The following PURB variants were observed in gnomAD, a reference collection of about 807,000 sequenced individuals.
PURB encodes the protein transcriptional regulator protein Pur-beta.
In PURB, 11 loss-of-function variants were observed where a neutral mutation model predicts 21.1. That is an observed-to-expected ratio of 0.52 (90% CI 0.33 to 0.86). The LOEUF (loss-of-function observed/expected upper bound fraction) is 0.86, where lower values mean the gene tolerates loss of function less well. Ranked by LOEUF, PURB falls within the 40% of genes least tolerant of loss-of-function variation. The pLI is 0.02. For missense variants in PURB, 357 were observed against 456.5 expected, an observed-to-expected ratio of 0.78 and a Z score of 1.99; for synonymous variants, 246 against 210.8, an observed-to-expected ratio of 1.17 and a Z score of -1.45.
rs143929020 is a variant in PURB at position 44,879,242 on chromosome 7, T to A, written c.*5168A>T. 2 of 152,172 alleles carry A rather than the reference T, an allele frequency of 1.3e-5. No homozygotes were observed. Among genetic ancestry groups the A allele is most frequent in the African/African-American group, 4.8e-5 (2 of 41,416 alleles). The allele number at this position is 152,172 out of a possible 1,614,324, so 9.4% of individuals were successfully genotyped here. On this transcript the variant is annotated 3_prime_UTR_variant, in exon 1 of 1. Transcript: ENST00000395699. ...TTTTAGTAGAGACGGGGTTTCACCA[T>A]GTTGTCCAGGCTGACCTGAACTGAC...
Position 44,877,504 on chromosome 7 carries a change from T to C in PURB, c.*6906A>G, listed in dbSNP as rs1248052111. On this transcript the variant is annotated 3_prime_UTR_variant, in exon 1 of 1. Transcript: ENST00000395699. ...ACTTTTTGGTCAACCTACTGACTTTTAGAAATTCAGAGAGTAGGCTAGGCG... is the reference window on the plus strand; with the variant it reads ...ACTTTTTGGTCAACCTACTGACTTTCAGAAATTCAGAGAGTAGGCTAGGCG... 1.3e-5 allele frequency: 2 copies of C among 152,236 alleles called. No individual in the cohort carries two copies. The highest frequency in any genetic ancestry group is 6.5e-5 in the Admixed American group (1 of 15,274). 9.4% of individuals were successfully genotyped at this position (152,236 alleles called of 1,614,324 possible).
rs1026742965 is a variant in PURB, at chr7:44,881,752, G to A, written c.*2658C>T. On this transcript the variant is annotated 3_prime_UTR_variant, in exon 1 of 1. Transcript: ENST00000395699. ...GGTAACCAAAGCTGATGCCATATAT[G>A]GTAGTGTTCTTGGCATATACTCTAT... is the stretch of plus-strand genomic sequence containing the variant. The A allele has an allele frequency of 1.3e-5, 2 of 154,492 alleles. No individual in the cohort carries two copies. The highest frequency in any genetic ancestry group is 2.9e-5 in the Non-Finnish European group (2 of 68,174). The allele number at this position is 154,492 out of a possible 1,614,324, so 9.6% of individuals were successfully genotyped here.
rs1793921801 is a variant in PURB at position 44,884,248 on chromosome 7, T to C, written c.*162A>G. The C allele has an allele frequency of 7.8e-6, 11 of 1,412,506 alleles. No homozygotes were observed. Among genetic ancestry groups the C allele is most frequent in the Middle Eastern group, 4.7e-4 (2 of 4,292 alleles). The allele number at this position is 1,412,506 out of a possible 1,614,324, so 87.5% of individuals were successfully genotyped here. A position where few individuals can be genotyped will look rare whatever the true frequency, so the allele number is the denominator to read the frequency against. On this transcript the variant is annotated 3_prime_UTR_variant, in exon 1 of 1. Coordinates refer to ENST00000395699, the MANE Select transcript of PURB (RefSeq NM_033224.5). ...GCTTTTCTCAAGTTGTCCGTCACTG[T>C]TCTCTTACGATTATTTCTCTTAACT...
rs1010958678 is a variant in PURB, at chr7:44,885,488, C to G, written c.-140G>C. 2.7e-5 allele frequency: 5 copies of G among 183,480 alleles called. No homozygotes were observed. The highest frequency in any genetic ancestry group is 1.3e-4 in the Admixed American group (2 of 15,216). The allele number at this position is 183,480 out of a possible 1,614,324, so 11.4% of individuals were successfully genotyped here. A position where few individuals can be genotyped will look rare whatever the true frequency, so the allele number is the denominator to read the frequency against. On this transcript the variant is annotated 5_prime_UTR_variant, in exon 1 of 1. Coordinates refer to ENST00000395699, the MANE Select transcript of PURB (RefSeq NM_033224.5). ...CTCATCGCCGGCCGCCGCCGCCCCC[C>G]CATCGCCTCCGCGCCCCGCCCCCGC...
Position 44,884,105 on chromosome 7 carries a change from A to T in PURB, c.*305T>A, listed in dbSNP as rs917898334. ...CAAGGATCTATTCCCTCCAGGGATT[A>T]TCCTGATGGGTTTACGAACCTCAGT... is the stretch of plus-strand genomic sequence containing the variant. On this transcript the variant is annotated 3_prime_UTR_variant, in exon 1 of 1. Transcript: ENST00000395699. 1 of 499,710 alleles carries T rather than the reference A, an allele frequency of 2.0e-6. No individual in the cohort carries two copies. Among genetic ancestry groups the T allele is most frequent in the East Asian group, 3.9e-5 (1 of 25,514 alleles). The allele number at this position is 499,710 out of a possible 1,614,324, so 31.0% of individuals were successfully genotyped here.
rs760732691 is a variant in PURB at position 44,880,430 on chromosome 7, TAC to T, written c.*3978_*3979del. The T allele has an allele frequency of 3.9e-5, 6 of 152,784 alleles. No homozygotes were observed. In the East Asian group the frequency reaches 9.6e-4, roughly 25 times the overall value. The allele number at this position is 152,784 out of a possible 1,614,324, so 9.5% of individuals were successfully genotyped here. ...GTGAAGAATACTTATGTGCATGGCTTACACACTCCAGCTTCTCAATTTCATCC... is the reference window on the plus strand; with the variant it reads ...GTGAAGAATACTTATGTGCATGGCTTACACTCCAGCTTCTCAATTTCATCC... On this transcript the variant is annotated 3_prime_UTR_variant, in exon 1 of 1. Transcript: ENST00000395699.
chr7:44,884,433 CCT>C lies in PURB; in HGVS notation c.914_915del (p.Glu305GlyfsTer2), dbSNP rs773077431. 2 of 1,613,540 alleles carry C rather than the reference CCT, an allele frequency of 1.2e-6. No individual in the cohort carries two copies. The highest frequency in any genetic ancestry group is 1.7e-6 in the Non-Finnish European group (2 of 1,180,008). On this transcript the variant is annotated frameshift_variant, in exon 1 of 1. Coordinates refer to ENST00000395699, the MANE Select transcript of PURB (RefSeq NM_033224.5). LOFTEE classifies it high-confidence loss of function. ...GGGSGGGEESEGEEVDED is the reference protein window; with the variant it reads ...GGGSGGGEESXGEEVDED The stretch of plus-strand genomic sequence containing the variant: ...TTTCAATCCTCATCCACCTCCTCAC[CCT>C]CTGACTCTTCGCCGCCGCCGCTGCC...
rs753415665 is a variant in PURB at position 44,884,402 on chromosome 7, T to C, written c.*8A>G. ...TTGGGTGGAGGCCTGTAGGGGAAGC[T>C]GCCCGTTTCAATCCTCATCCACCTC... On this transcript the variant is annotated 3_prime_UTR_variant, in exon 1 of 1. Transcript: ENST00000395699. 8 of 1,611,110 alleles carry C rather than the reference T, an allele frequency of 5.0e-6. 1 individual carries two copies. The South Asian group carries it at 8.8e-5, about 18-fold the overall frequency.
chr7:44,878,426 AATC>A lies in PURB; in HGVS notation c.*5981_*5983del, dbSNP rs1371104043. The A allele has an allele frequency of 6.6e-6, 1 of 152,242 alleles. No homozygotes were observed. The highest frequency in any genetic ancestry group is 1.5e-5 in the Non-Finnish European group (1 of 68,034). The allele number at this position is 152,242 out of a possible 1,614,324, so 9.4% of individuals were successfully genotyped here. On this transcript the variant is annotated 3_prime_UTR_variant, in exon 1 of 1. Coordinates refer to ENST00000395699, the MANE Select transcript of PURB (RefSeq NM_033224.5). Reference sequence around the variant, plus strand: ...TTATACTTTTTTATTAAACTGTTAGAATCATCTATGGAGAAAAATGAGTTTTAG... The same window carrying A: ...TTATACTTTTTTATTAAACTGTTAGAATCTATGGAGAAAAATGAGTTTTAG...
Position 44,884,324 on chromosome 7 carries a change from T to C in PURB, c.*86A>G. 1.9e-6 allele frequency: 3 copies of C among 1,545,526 alleles called. No homozygotes were observed. Among genetic ancestry groups the C allele is most frequent in the Non-Finnish European group, 2.6e-6 (3 of 1,152,198 alleles). ...GCGGCCTCCCTTGCTCCCTCTCCAC[T>C]AGCTCACTGGGGATGAGCAGGAAAG... On this transcript the variant is annotated 3_prime_UTR_variant, in exon 1 of 1. Coordinates refer to ENST00000395699, the MANE Select transcript of PURB (RefSeq NM_033224.5).
rs1248933821 is a variant in PURB, at chr7:44,878,460, A to G, written c.*5950T>C. 1 of 152,332 alleles carries G rather than the reference A, an allele frequency of 6.6e-6. No homozygotes were observed. Among genetic ancestry groups the G allele is most frequent in the Non-Finnish European group, 1.5e-5 (1 of 68,046 alleles). The allele number at this position is 152,332 out of a possible 1,614,324, so 9.4% of individuals were successfully genotyped here. A position where few individuals can be genotyped will look rare whatever the true frequency, so the allele number is the denominator to read the frequency against. On this transcript the variant is annotated 3_prime_UTR_variant, in exon 1 of 1. Transcript: ENST00000395699. ...TGGAGAAAAATGAGTTTTAGCTTCC[A>G]ATAAAGCTCTGCTCTTATTAGAAAT...
rs1793850847 is a variant in PURB, at chr7:44,879,757, C to T, written c.*4653G>A. The stretch of plus-strand genomic sequence containing the variant: ...AGCAAAGATTTCTACTCTTCTTACA[C>T]AGAGTTAGAACAATATTCATAAGCA... On this transcript the variant is annotated 3_prime_UTR_variant, in exon 1 of 1. Coordinates refer to ENST00000395699, the MANE Select transcript of PURB (RefSeq NM_033224.5). 1 of 152,590 alleles carries T rather than the reference C, an allele frequency of 6.6e-6. No individual in the cohort carries two copies. The highest frequency in any genetic ancestry group is 2.4e-5 in the African/African-American group (1 of 41,432). 9.5% of individuals were successfully genotyped at this position (152,590 alleles called of 1,614,324 possible).
rs1241803856 is a variant in PURB at position 44,884,716 on chromosome 7, TGGGCCCCCGGCGCCGCCTCCC to T, written c.612_632del (p.Ala208_Gly214del). On this transcript the variant is annotated inframe_deletion, in exon 1 of 1. Transcript: ENST00000395699. ...GGAGCTCTCCATACAGGCCGCCCCC[TGGGCCCCCGGCGCCGCCTCCC>T]GGGCCGCCTGCCAGCTCGTCGTCCT... is the stretch of plus-strand genomic sequence containing the variant. 6.2e-7 allele frequency: 1 copy of T among 1,612,906 alleles called. No individual in the cohort carries two copies. The highest frequency in any genetic ancestry group is 8.5e-7 in the Non-Finnish European group (1 of 1,179,808).
At position 44,877,148 on chromosome 7, in the gene PURB, A is replaced by T. The variant is rs774612775; in HGVS notation, c.*7262T>A. 6.6e-6 allele frequency: 1 copy of T among 152,630 alleles called. No homozygotes were observed. The highest frequency in any genetic ancestry group is 2.4e-5 in the African/African-American group (1 of 41,452). The allele number at this position is 152,630 out of a possible 1,614,324, so 9.5% of individuals were successfully genotyped here. A position where few individuals can be genotyped will look rare whatever the true frequency, so the allele number is the denominator to read the frequency against. ...GGCAGGACATCAGTCCCAGCTTTGGAGTGAATAGTCTAAGAAAGCCACTGG... is the reference window on the plus strand; with the variant it reads ...GGCAGGACATCAGTCCCAGCTTTGGTGTGAATAGTCTAAGAAAGCCACTGG... On this transcript the variant is annotated 3_prime_UTR_variant, in exon 1 of 1. Transcript: ENST00000395699.
In PURB at chr7:44,885,275, C is replaced by T; in HGVS notation, c.74G>A (p.Gly25Asp). Residue 25 changes from glycine (G) to aspartate (D), a missense_variant, in exon 1 of 1, where the codon GGC becomes GAC. Coordinates refer to ENST00000395699, the MANE Select transcript of PURB (RefSeq NM_033224.5). ...GPCGFQPASR[G>D]GGEQETQELA... ...CTCCTGCGTCTCTTGCTCGCCGCCGCCGCGGGACGCGGGCTGGAACCCGCA... is the reference window on the plus strand; with the variant it reads ...CTCCTGCGTCTCTTGCTCGCCGCCGTCGCGGGACGCGGGCTGGAACCCGCA... 6.5e-7 allele frequency: 1 copy of T among 1,541,174 alleles called. No homozygotes were observed. The highest frequency in any genetic ancestry group is 8.7e-7 in the Non-Finnish European group (1 of 1,154,244).
At position 44,877,088 on chromosome 7, in the gene PURB, T is replaced by C. The variant is rs951994048; in HGVS notation, c.*7322A>G. 2.0e-5 allele frequency: 3 copies of C among 152,654 alleles called. No homozygotes were observed. The highest frequency in any genetic ancestry group is 7.2e-5 in the African/African-American group (3 of 41,476). The allele number at this position is 152,654 out of a possible 1,614,324, so 9.5% of individuals were successfully genotyped here. ...GTCTCCTGCTATCAAGATTTGGTTTTAATTCATTCAAATTATTTCTGTAGA... is the reference window on the plus strand; with the variant it reads ...GTCTCCTGCTATCAAGATTTGGTTTCAATTCATTCAAATTATTTCTGTAGA... On this transcript the variant is annotated 3_prime_UTR_variant, in exon 1 of 1. Coordinates refer to ENST00000395699, the MANE Select transcript of PURB (RefSeq NM_033224.5).
rs1010481205 is a variant in PURB at position 44,882,133 on chromosome 7, G to T, written c.*2277C>A. The T allele has an allele frequency of 1.3e-5, 2 of 152,544 alleles. No homozygotes were observed. Among genetic ancestry groups the T allele is most frequent in the Admixed American group, 1.3e-4 (2 of 15,270 alleles). The allele number at this position is 152,544 out of a possible 1,614,324, so 9.4% of individuals were successfully genotyped here. A position where few individuals can be genotyped will look rare whatever the true frequency, so the allele number is the denominator to read the frequency against. On this transcript the variant is annotated 3_prime_UTR_variant, in exon 1 of 1. Transcript: ENST00000395699. ...CTGCCTCAGAGTTGAAACTTAAATAGTTTCTGCAAACCTAATGCTAGCTTC... is the reference window on the plus strand; with the variant it reads ...CTGCCTCAGAGTTGAAACTTAAATATTTTCTGCAAACCTAATGCTAGCTTC...
In PURB at chr7:44,884,405, C is replaced by CCGTTT; in HGVS notation, c.939_*4dup. ...GGTGGAGGCCTGTAGGGGAAGCTGC[C>CCGTTT]CGTTTCAATCCTCATCCACCTCCTC... On this transcript the variant is annotated 3_prime_UTR_variant, in exon 1 of 1. Coordinates refer to ENST00000395699, the MANE Select transcript of PURB (RefSeq NM_033224.5). 1 of 1,611,482 alleles carries CCGTTT rather than the reference C, an allele frequency of 6.2e-7. No homozygotes were observed. Among genetic ancestry groups the CCGTTT allele is most frequent in the Non-Finnish European group, 8.5e-7 (1 of 1,179,192 alleles).
In PURB at chr7:44,882,482, A is replaced by G. The variant is rs1793891369; in HGVS notation, c.*1928T>C. The G allele has an allele frequency of 6.6e-6, 1 of 152,662 alleles. No homozygotes were observed. Among genetic ancestry groups the G allele is most frequent in the Admixed American group, 6.5e-5 (1 of 15,276 alleles). The allele number at this position is 152,662 out of a possible 1,614,324, so 9.5% of individuals were successfully genotyped here. On this transcript the variant is annotated 3_prime_UTR_variant, in exon 1 of 1. Transcript: ENST00000395699. ...TGTGGCTCTTCCACTTTTTAATCTA[A>G]GATCAACAATATTCTGCATCATAAT...
Sources: gnomAD v4.1 joint callset for allele counts on GRCh38, gnomAD v4.1.1 for gene constraint, MANE v1.5 for transcripts, NCBI Gene and HGNC (gene_info 2026-07-23, HGNC 2026-07-21) for gene names.